Variants in MED27 observed in about 807,000 individuals in gnomAD.
MED27 encodes the protein mediator of RNA polymerase II transcription subunit 27.
A neutral mutation model predicts 38.2 loss-of-function variants in MED27; 30 were observed. The ratio of observed to expected loss-of-function variants is 0.79; its 90% CI spans 0.59 to 1.07. MED27 has a LOEUF of 1.07. Ranked by LOEUF, MED27 falls within the 50% of genes least tolerant of loss-of-function variation. The pLI, the probability that MED27 is intolerant of heterozygous loss-of-function variation, is 0.00. For synonymous variants in MED27, 122 were observed against 153.5 expected, an observed-to-expected ratio of 0.79 and a Z score of 1.52; for missense variants, 289 against 397.5, an observed-to-expected ratio of 0.73 and a Z score of 2.32.
In MED27 at chr9:131,941,817, A is replaced by ATTTTTTTTTTTTT. The variant is rs766438800; in HGVS notation, c.480-2356_480-2344dup. Among the ~76,000 whole-genome samples, 83 of 82,512 alleles carry ATTTTTTTTTTTTT rather than the reference A, an allele frequency of 1.0e-3. 13 individuals are homozygous for ATTTTTTTTTTTTT. The highest frequency in any genetic ancestry group is 2.7e-3 in the East Asian group (6 of 2,204). 54.1% of individuals were successfully genotyped at this position (82,512 alleles called of 152,430 possible). On this transcript the variant is annotated intron_variant, in intron 3 of 7. Transcript: ENST00000292035. ...TAAAGGCAAAGCCCCATTCTGCTGA[A>ATTTTTTTTTTTTT]TTTTTTTTTTTTTTTTTTTTTTTTT... is the stretch of plus-strand genomic sequence containing the variant.
At chr9:131,940,456 C>A (rs1363435028) in intron 3 of MED27, among the ~76,000 whole-genome samples, 1 of 151,832 alleles carries the variant, frequency 6.6e-6, no homozygotes, top group Non-Finnish European at 1.5e-5. Context: ...TGCTCTATTG[C>A]CCAGGCTGGA....
At chr9:131,869,147 A>G in intron 6 of MED27, 7 of 985,362 alleles carry the variant, frequency 7.1e-6, no homozygotes, top group Non-Finnish European at 8.4e-6. Context: ...CAATTACAGA[A>G]ATATTTTAAT....
chr9:131,926,143 A>C (rs1305134629), intron 4 of MED27, among the ~76,000 whole-genome samples: 1 of 152,080 alleles, frequency 6.6e-6, no homozygotes, highest in African/African-American at 2.4e-5. Flanking sequence ...CATTTTATGC[A>C]AGTTGCTGGT....
At chr9:131,927,772 T>C (rs1830508776) in intron 4 of MED27, among the ~76,000 whole-genome samples, 1 of 152,138 alleles carries the variant, frequency 6.6e-6, no homozygotes, top group Non-Finnish European at 1.5e-5. Context: ...AAGTGCCAAT[T>C]TGGTAGTCTC....
chr9:132,030,342 C>A (rs1163043935), intron 2 of MED27, among the ~76,000 whole-genome samples: 4 of 152,226 alleles, frequency 2.6e-5, no homozygotes, highest in Non-Finnish European at 5.9e-5. Flanking sequence ...ACACCAGGTA[C>A]TCTTGCCCTC....
intron 2 of MED27, among the ~76,000 whole-genome samples, chr9:132,018,781 A>C (rs909391697): frequency 1.3e-5 from 2 of 152,178 alleles, no homozygotes; most frequent in African/African-American, 4.8e-5. Context: ...AAAACTTATA[A>C]GCCAGATCAA....
chr9:131,971,761 T>G (rs1831483794), intron 3 of MED27, among the ~76,000 whole-genome samples: 1 of 152,226 alleles, frequency 6.6e-6, no homozygotes, highest in South Asian at 2.1e-4. Flanking sequence ...GATTCCAGTC[T>G]TAATTACCTG....
chr9:131,860,880 C>T lies in MED27; in HGVS notation c.802-208G>A, dbSNP rs761795393. Among the ~76,000 whole-genome samples the T allele has an allele frequency of 6.6e-5, 10 of 152,140 alleles. No homozygotes were observed. Among genetic ancestry groups the T allele is most frequent in the Non-Finnish European group, 1.2e-4 (8 of 68,026 alleles). ...CTGATGCTCGCGTGCCCCTCCTAAC[C>T]GAAGGAGTTTTGAAAACAGAAACCC... On this transcript the variant is annotated intron_variant, in intron 7 of 7. Coordinates refer to ENST00000292035, the MANE Select transcript of MED27 (RefSeq NM_004269.4). This position sits in a 1 kb window ranked among gnomAD's most constrained non-coding sequence, Gnocchi z 5.8.
chr9:132,035,609 C>G (rs112250489), intron 2 of MED27, among the ~76,000 whole-genome samples: 6,936 of 152,206 alleles, frequency 0.046, 356 homozygotes, highest in African/African-American at 0.12. Flanking sequence ...ATCTTAGAGG[C>G]AATCAAGGAA....
At chr9:132,026,133 C>T (rs980242116) in intron 2 of MED27, among the ~76,000 whole-genome samples, 1 of 152,164 alleles carries the variant, frequency 6.6e-6, no homozygotes, top group African/African-American at 2.4e-5. Flanking sequence ...GAAGAACAAG[C>T]CGAGCAACCA....
At chr9:132,079,577 G>A in intron 1 of MED27, 65 bp downstream of exon 1, 1 of 1,493,454 alleles carries the variant, frequency 6.7e-7, no homozygotes, top group Non-Finnish European at 9.3e-7. Context: ...GAAGACTCGA[G>A]CGACGTAGGG....
chr9:132,037,903 C>T (rs1012069225), intron 2 of MED27, among the ~76,000 whole-genome samples: 4 of 152,132 alleles, frequency 2.6e-5, no homozygotes, highest in Non-Finnish European at 5.9e-5. Flanking sequence ...GATATGTCAT[C>T]TGCCTCCCCA....
chr9:131,978,703 A>G (rs535314155), intron 3 of MED27, among the ~76,000 whole-genome samples: 1 of 152,362 alleles, frequency 6.6e-6, no homozygotes, highest in Non-Finnish European at 1.5e-5. Context: ...AACTCTTAAG[A>G]AAAATGACTG....
chr9:131,984,891 T>C (rs892311576), intron 3 of MED27, among the ~76,000 whole-genome samples: 1 of 152,202 alleles, frequency 6.6e-6, no homozygotes. Context: ...ATTTATACCA[T>C]ATGCCTTGAG....
rs541484746 is a variant in MED27, at chr9:131,958,597, C to A, written c.480-19123G>T. ...GGTTAGACAAGGCAAGAGACAGGAT[C>A]TCCTAGGGACTCAGGTGATGAGAAC... On this transcript the variant is annotated intron_variant, in intron 3 of 7. Transcript: ENST00000292035. Among the ~76,000 whole-genome samples, 193 of 152,310 alleles carry A rather than the reference C, an allele frequency of 1.3e-3. 1 individual carries two copies. The highest frequency in any genetic ancestry group is 4.3e-3 in the African/African-American group (180 of 41,576).
At chr9:131,976,752 C>A (rs781248156) in intron 3 of MED27, among the ~76,000 whole-genome samples, 1 of 152,122 alleles carries the variant, frequency 6.6e-6, no homozygotes, top group African/African-American at 2.4e-5. Flanking sequence ...ACAATGATTA[C>A]GAAAATAGCT....
chr9:131,934,021 T>C (rs954203545), intron 4 of MED27, among the ~76,000 whole-genome samples: 5 of 152,156 alleles, frequency 3.3e-5, no homozygotes, highest in Non-Finnish European at 5.9e-5. Context: ...GAACATACAT[T>C]GGGGAAAAGA....
At chr9:131,999,601 G>A (rs1035148691) in intron 3 of MED27, among the ~76,000 whole-genome samples, 1 of 152,230 alleles carries the variant, frequency 6.6e-6, no homozygotes, top group East Asian at 1.9e-4. Context: ...ACCAAACACT[G>A]TAGATATTAG....
intron 4 of MED27, among the ~76,000 whole-genome samples, chr9:131,895,915 T>A (rs1170799558): frequency 6.6e-6 from 1 of 151,938 alleles, no homozygotes; most frequent in Non-Finnish European, 1.5e-5. Context: ...TTTTTTTTTT[T>A]TGAGGCGAAG....
Sources: allele counts gnomAD v4.1 joint callset (sites outside exome capture counted in the v4.1 genomes callset), GRCh38; gene constraint gnomAD v4.1.1; non-coding constraint Gnocchi (gnomAD v3.1); transcripts MANE v1.5; gene names NCBI Gene and HGNC (gene_info 2026-07-23, HGNC 2026-07-21).